KDM6B: variants seen among roughly 807,000 people sequenced by gnomAD.
KDM6B encodes lysine demethylase 6B.
KDM6B carries 22 observed loss-of-function variants against 150.4 expected under a neutral mutation model. The ratio of observed to expected loss-of-function variants is 0.15; its 90% confidence interval spans 0.10 to 0.21. The LOEUF (loss-of-function observed/expected upper bound fraction) is 0.21. KDM6B is among the 10% of genes least tolerant of loss of function. KDM6B has a pLI of 1.00. For missense variants in KDM6B, 1,984 were observed against 2,234.3 expected, an observed-to-expected ratio of 0.89 and a Z score of 2.26; for synonymous variants, 1,148 against 921.1, an observed-to-expected ratio of 1.25 and a Z score of -4.46.
chr17:7,848,979 A>T lies in KDM6B; in HGVS notation c.2691A>T (p.Gln897His). 6.6e-7 allele frequency: 1 copy of T among 1,518,744 alleles called. No homozygotes were observed. 94.1% of individuals were successfully genotyped at this position (1,518,744 alleles called of 1,614,324 possible). ...TCCCGGGCCCCATGACCCCCACCCA[A>T]CCGCCCCCACCCCTATCTCTGCCCC... is the stretch of plus-strand genomic sequence containing the variant. ...EPVPGPMTPT[Q>H]PPPPLSLPPA... Residue 897 changes from glutamine to histidine, a missense_variant, in exon 12 of 24, where the codon CAA becomes CAT. By Grantham distance (24) the Gln-to-His change is conservative (BLOSUM62 0). Around this residue, in one of 13 missense-constraint regions of KDM6B, gnomAD observed 1,379 missense variants for 1,275.6 expected, o/e 1.08. Coordinates refer to ENST00000448097, the MANE Select transcript of KDM6B (RefSeq NM_001348716.2).
Position 7,846,951 on chromosome 17 carries a change from T to G in KDM6B, c.844T>G (p.Trp282Gly), listed in dbSNP as rs1567791479. The G allele has an allele frequency of 6.6e-7, 1 of 1,507,764 alleles. No homozygotes were observed. The highest frequency in any genetic ancestry group is 1.1e-5 in the South Asian group (1 of 89,956). 93.4% of individuals were successfully genotyped at this position (1,507,764 alleles called of 1,614,324 possible). A position where few individuals can be genotyped will look rare whatever the true frequency, so the allele number is the denominator to read the frequency against. The change falls in exon 10 of 24, where the codon TGG (tryptophan) becomes GGG (glycine). Residue 282 changes from tryptophan to glycine, a missense_variant. Physicochemically the swap from Trp to Gly is radical, Grantham distance 184. Transcript: ENST00000448097. ...PPFQLTKPGLWSTLHGDAWGP... is the reference protein window; with the variant it reads ...PPFQLTKPGLGSTLHGDAWGP... ...ATTTCAGCTAACCAAGCCAGGGCTG[T>G]GGAGTACCCTGCATGGAGATGCCTG...
At chr17:7,834,816 C>T (rs2078299219) in intron 1 of KDM6B, among the ~76,000 whole-genome samples, 1 of 152,294 alleles carries the variant, frequency 6.6e-6, no homozygotes, top group Non-Finnish European at 1.5e-5. Context: ...AAGCCTCAGC[C>T]TGACCTTCCC....
At position 7,849,458 on chromosome 17, in the gene KDM6B, C is replaced by T; in HGVS notation, c.3170C>T (p.Ala1057Val). 2 of 1,612,688 alleles carry T rather than the reference C, an allele frequency of 1.2e-6. No homozygotes were observed. The highest frequency in any genetic ancestry group is 1.1e-5 in the South Asian group (1 of 91,062). The change falls in exon 12 of 24, where the codon GCA becomes GTA. Residue 1057 changes from alanine to valine, a missense_variant. Ala to Val is a moderately conservative substitution (Grantham distance 64, BLOSUM62 0). Coordinates refer to ENST00000448097, the MANE Select transcript of KDM6B (RefSeq NM_001348716.2). The stretch of plus-strand genomic sequence containing the variant: ...GCTCCAGCCCCTCCATCAGCTCCTG[C>T]ACCTTCTGCCCAGCCCACACCCCCG... ...PTAPAPPSAP[A>V]PSAQPTPPSA...
rs575211623 is a variant in KDM6B at position 7,844,822 on chromosome 17, C to T, written c.-268-79C>T. 1.5e-4 allele frequency: 23 copies of T among 157,100 alleles called. No individual in the cohort carries two copies. The highest frequency in any genetic ancestry group is 2.7e-4 in the Non-Finnish European group (19 of 70,260). 9.7% of individuals were successfully genotyped at this position (157,100 alleles called of 1,614,324 possible). A position where few individuals can be genotyped will look rare whatever the true frequency, so the allele number is the denominator to read the frequency against. On this transcript the variant is annotated intron_variant, in intron 2 of 23. Transcript: ENST00000448097. This position sits in a 1 kb window ranked among gnomAD's most constrained non-coding sequence, Gnocchi z 5.9. ...CACATCGGGGTCACCCCGGGCTGAG[C>T]TCGTCTGACCGGCTCCCGCGCCCCT...
At position 7,848,918 on chromosome 17, in the gene KDM6B, C is replaced by T. The variant is rs938882505; in HGVS notation, c.2630C>T (p.Pro877Leu). The T allele has an allele frequency of 3.1e-6, 5 of 1,602,568 alleles. No homozygotes were observed. Among genetic ancestry groups the T allele is most frequent in the Admixed American group, 1.7e-5 (1 of 59,488 alleles). The change falls in exon 12 of 24, where the codon CCC (proline) becomes CTC (leucine). Residue 877 changes from proline (P) to leucine (L), a missense_variant. Pro to Leu is a moderately conservative substitution (Grantham distance 98). Around this residue, in one of 13 missense-constraint regions of KDM6B, gnomAD observed 1,379 missense variants for 1,275.6 expected, o/e 1.08. Coordinates refer to ENST00000448097, the MANE Select transcript of KDM6B (RefSeq NM_001348716.2). ...SSSQFSTSGG[P>L]WARERRAGEE... is the part of the protein sequence containing the mutation. ...TCTCAGTTCTCTACCTCAGGCGGGC[C>T]CTGGGCCCGGGAGCGCAGGGCGGGC...
At position 7,834,708 on chromosome 17, in the gene KDM6B, C is replaced by T. The variant is rs73977766; in HGVS notation, c.-388+358C>T. Reference sequence around the variant, plus strand: ...GCAGAGTTTGCAGACAGGTCAATGCCATGGCCCAGTAAGGTCAGATGTGGT... The same window carrying T: ...GCAGAGTTTGCAGACAGGTCAATGCTATGGCCCAGTAAGGTCAGATGTGGT... On this transcript the variant is annotated intron_variant, in intron 1 of 23. Coordinates refer to ENST00000448097, the MANE Select transcript of KDM6B (RefSeq NM_001348716.2). Among the ~76,000 whole-genome samples the T allele has an allele frequency of 6.2e-3, 940 of 152,124 alleles. 5 individuals are homozygous for T. The highest frequency in any genetic ancestry group is 0.021 in the African/African-American group (882 of 41,522).
intron 20 of KDM6B, 62 bp from the exon 21 acceptor site, chr17:7,852,433 G>A (rs2078716628): frequency 1.6e-6 from 2 of 1,289,834 alleles, no homozygotes; most frequent in Non-Finnish European, 1.1e-6. Flanking sequence ...GAGGGAAGGG[G>A]CTTGGGCCTA....
At chr17:7,835,457 C>G (rs915254825) in intron 1 of KDM6B, among the ~76,000 whole-genome samples, 2 of 151,924 alleles carry the variant, frequency 1.3e-5, no homozygotes, top group Non-Finnish European at 2.9e-5. Flanking sequence ...CGGTGGTTGT[C>G]CGGAGGGGGT....
intron 1 of KDM6B, among the ~76,000 whole-genome samples, chr17:7,834,645 G>T (rs534995681): frequency 6.6e-6 from 1 of 152,026 alleles, no homozygotes; most frequent in Non-Finnish European, 1.5e-5. Context: ...GGGGCGGGGC[G>T]GGGCGCGGCG....
At position 7,849,284 on chromosome 17, in the gene KDM6B, G is replaced by A. The variant is rs749390871; in HGVS notation, c.2996G>A (p.Arg999His). The A allele has an allele frequency of 1.4e-5, 22 of 1,555,536 alleles. No individual in the cohort carries two copies. The highest frequency in any genetic ancestry group is 9.7e-5 in the East Asian group (4 of 41,180). Residue 999 changes from arginine (R) to histidine (H), a missense_variant, in exon 12 of 24, where the codon CGT becomes CAT. Transcript: ENST00000448097. ...AAGGACAGTGTGGGTCGTCGGCCCC[G>A]TGAGGGCAGGGCAAAGGCCAAGGCC... ...ACKDSVGRRP[R>H]EGRAKAKAKV...
rs2078586262 is a variant in KDM6B at position 7,847,680 on chromosome 17, A to C, written c.1392A>C (p.Gly464=). The C allele has an allele frequency of 6.3e-7, 1 of 1,585,006 alleles. No homozygotes were observed. Among genetic ancestry groups the C allele is most frequent in the Non-Finnish European group, 8.6e-7 (1 of 1,166,086 alleles). The change falls in exon 12 of 24, where the codon GGA becomes GGC. Residue 464 remains glycine, a synonymous_variant. Transcript: ENST00000448097. The part of the protein sequence containing the change: ...AATPHLSLPP[G]PSSPPPPPCP... ...CTCCCCACCTATCCCTGCCACCTGG[A>C]CCTTCCTCACCCCCTCCACCCCCCT... is the stretch of plus-strand genomic sequence containing the variant.
In KDM6B at chr17:7,849,003, C is replaced by G; in HGVS notation, c.2715C>G (p.Pro905=). The change falls in exon 12 of 24, where the codon CCC becomes CCG. Residue 905 remains proline (P), a synonymous_variant. Transcript: ENST00000448097. ...AACCGCCCCCACCCCTATCTCTGCC[C>G]CCTGCTCGCTCTGAGTCTGAGGTGC... The part of the protein sequence containing the change: ...PTQPPPPLSL[P]PARSESEVLE... 6 of 1,595,452 alleles carry G rather than the reference C, an allele frequency of 3.8e-6. No homozygotes were observed. Among genetic ancestry groups the G allele is most frequent in the Non-Finnish European group, 5.1e-6 (6 of 1,169,546 alleles).
intron 6 of KDM6B, 26 bp downstream of exon 6, chr17:7,845,996 G>A: frequency 6.2e-7 from 1 of 1,610,174 alleles, no homozygotes; most frequent in Non-Finnish European, 8.5e-7. Flanking sequence ...AAGGTTCTGG[G>A]AGTGGGAGGT....
At position 7,847,542 on chromosome 17, in the gene KDM6B, G is replaced by A. The variant is rs1180636004; in HGVS notation, c.1258-4G>A. ...GCTCCTACCACCTGCTTCTACACTTGCAGCCCGGCGCTGACCATTACCAAA... is the reference window on the plus strand; with the variant it reads ...GCTCCTACCACCTGCTTCTACACTTACAGCCCGGCGCTGACCATTACCAAA... On this transcript the variant is annotated splice_polypyrimidine_tract_variant and splice_region_variant and intron_variant, in intron 11 of 23. Transcript: ENST00000448097. 1.2e-6 allele frequency: 2 copies of A among 1,613,042 alleles called. No individual in the cohort carries two copies. Among genetic ancestry groups the A allele is most frequent in the East Asian group, 2.2e-5 (1 of 44,858 alleles).
rs765270357 is a variant in KDM6B, at chr17:7,852,680, C to G, written c.4610+44C>G. 10 of 1,612,338 alleles carry G rather than the reference C, an allele frequency of 6.2e-6. No individual in the cohort carries two copies. The Admixed American group carries it at 1.3e-4, about 21-fold the overall frequency. The stretch of plus-strand genomic sequence containing the variant: ...TGGGAGCCCACCTCCACTGACTGGT[C>G]CCTTTTCTTGTTCTTCCTGTCTGAC... On this transcript the variant is annotated intron_variant, in intron 21 of 23. Transcript: ENST00000448097.
At position 7,845,357 on chromosome 17, in the gene KDM6B, G is replaced by A; in HGVS notation, c.-105G>A. On this transcript the variant is annotated 5_prime_UTR_variant, in exon 4 of 24. Transcript: ENST00000448097. ...TGAGGCAGCCATCTGGGGGTAGCGG[G>A]CACTCTTATCAGAGCGGCTGGAGCC... is the stretch of plus-strand genomic sequence containing the variant. 1.5e-6 allele frequency: 1 copy of A among 683,586 alleles called. No individual in the cohort carries two copies. Among genetic ancestry groups the A allele is most frequent in the Non-Finnish European group, 2.6e-6 (1 of 379,014 alleles). The allele number at this position is 683,586 out of a possible 1,614,324, so 42.3% of individuals were successfully genotyped here.
rs1266134810 is a variant in KDM6B at position 7,854,425 on chromosome 17, T to TA, written c.*911dup. On this transcript the variant is annotated 3_prime_UTR_variant, in exon 24 of 24. Coordinates refer to ENST00000448097, the MANE Select transcript of KDM6B (RefSeq NM_001348716.2). Reference sequence around the variant, plus strand: ...TATTTTGTAAAAAAAATAAATAAAATAAAAAAATTAAAGGTTTTAAAGAAA... The same window carrying TA: ...TATTTTGTAAAAAAAATAAATAAAATAAAAAAAATTAAAGGTTTTAAAGAAA... 6.6e-6 allele frequency: 1 copy of TA among 151,946 alleles called. No homozygotes were observed. Among genetic ancestry groups the TA allele is most frequent in the Non-Finnish European group, 1.5e-5 (1 of 67,940 alleles). 9.4% of individuals were successfully genotyped at this position (151,946 alleles called of 1,614,324 possible). A position where few individuals can be genotyped will look rare whatever the true frequency, so the allele number is the denominator to read the frequency against.
Position 7,851,385 on chromosome 17 carries a change from C to A in KDM6B, c.3935C>A (p.Thr1312Asn), listed in dbSNP as rs2078690745. The change falls in exon 16 of 24, where the codon ACC (threonine) becomes AAC (asparagine). Residue 1312 changes from threonine (T) to asparagine (N), a missense_variant. Coordinates refer to ENST00000448097, the MANE Select transcript of KDM6B (RefSeq NM_001348716.2). ...GAGGAGCCAGACAGCACCACTGGAA[C>A]CCCTCCTAGGTACTGTGCAGGTGTG... is the stretch of plus-strand genomic sequence containing the variant. ...ESEEPDSTTG[T>N]PPSSAPDPKN... The A allele has an allele frequency of 2.5e-6, 4 of 1,614,164 alleles. No individual in the cohort carries two copies. The highest frequency in any genetic ancestry group is 3.4e-6 in the Non-Finnish European group (4 of 1,180,018).
chr17:7,846,032 C>A, intron 6 of KDM6B, 46 bp from the exon 7 acceptor site: 1 of 1,581,096 alleles, frequency 6.3e-7, no homozygotes, highest in South Asian at 1.1e-5. Context: ...AAAGAGTCCC[C>A]TCAAGCCCAA....
Sources: allele counts gnomAD v4.1 joint callset (sites outside exome capture counted in the v4.1 genomes callset), GRCh38; gene constraint gnomAD v4.1.1; regional missense constraint gnomAD v4.1.1; non-coding constraint Gnocchi (gnomAD v3.1); transcripts MANE v1.5; gene names NCBI Gene and HGNC (gene_info 2026-07-23, HGNC 2026-07-21).